Variants in ATP13A5 observed in about 807,000 individuals in gnomAD.
ATP13A5 encodes ATPase 13A5.
A neutral mutation model predicts 150.2 loss-of-function variants in ATP13A5; 149 were observed. That is an observed-to-expected ratio of 0.99 (90% CI 0.87 to 1.14). ATP13A5 has a LOEUF of 1.14. Among genes scored for constraint, ATP13A5 ranks in the 50% most tolerant of loss-of-function variants. ATP13A5 has a pLI of 0.00. For synonymous variants in ATP13A5, 497 were observed against 522.2 expected, an observed-to-expected ratio of 0.95 and a Z score of 0.66; for missense variants, 1,383 against 1,449.3, an observed-to-expected ratio of 0.95 and a Z score of 0.74.
chr3:193,341,164 T>TCCC (rs140581417), intron 9 of ATP13A5, among the ~76,000 whole-genome samples: 2 of 121,452 alleles, frequency 1.6e-5, no homozygotes, highest in Admixed American at 8.3e-5. Context: ...ATTAACATAT[T>TCCC]CCCCCCCCCT....
At chr3:193,312,062 T>C in intron 19 of ATP13A5, 121 bp from the exon 20 acceptor site, 1 of 1,285,800 alleles carries the variant, frequency 7.8e-7, no homozygotes, top group Non-Finnish European at 1.1e-6. Flanking sequence ...AACAAAATAA[T>C]GTGTAATTTG....
chr3:193,348,393 G>C (rs1266481669), intron 7 of ATP13A5, among the ~76,000 whole-genome samples: 3 of 152,134 alleles, frequency 2.0e-5, no homozygotes, highest in African/African-American at 7.2e-5. Flanking sequence ...GCTTGGCTCT[G>C]TCATGACTGA....
At chr3:193,345,829 A>G (rs552779860) in intron 7 of ATP13A5, among the ~76,000 whole-genome samples, 1 of 152,276 alleles carries the variant, frequency 6.6e-6, no homozygotes, top group East Asian at 1.9e-4. Flanking sequence ...CAGAATGAGG[A>G]AGAATGAGAC....
intron 5 of ATP13A5, among the ~76,000 whole-genome samples, chr3:193,354,435 CAAAAA>C: frequency 6.6e-6 from 1 of 150,838 alleles, no homozygotes; most frequent in African/African-American, 2.4e-5. Flanking sequence ...TAGTACAACT[CAAAAA>C]AAAAGTTGGA....
intron 26 of ATP13A5, among the ~76,000 whole-genome samples, chr3:193,287,443 CT>C (rs1717767828): frequency 6.6e-6 from 1 of 152,138 alleles, no homozygotes; most frequent in Non-Finnish European, 1.5e-5. Context: ...CTCATTTGCT[CT>C]TCTGAAAATC....
intron 9 of ATP13A5, among the ~76,000 whole-genome samples, chr3:193,341,923 T>C (rs549258578): frequency 6.6e-6 from 1 of 152,314 alleles, no homozygotes; most frequent in East Asian, 1.9e-4. Flanking sequence ...AAAAAGGTGA[T>C]GAGGCAGGAA....
In ATP13A5 at chr3:193,282,313, C is replaced by T. The variant is rs550749961; in HGVS notation, c.3226+2601G>A. On this transcript the variant is annotated intron_variant, in intron 27 of 29. Transcript: ENST00000342358. ...CATTTCCTGTGTATTAGTAATAATT[C>T]GTTAATAAATATAATGGGAAAGTCA... 3.9e-4 allele frequency among the ~76,000 whole-genome samples: 59 copies of T among 151,854 alleles called. 1 individual carries two copies. Among genetic ancestry groups the T allele is most frequent in the Non-Finnish European group, 5.7e-4 (39 of 67,968 alleles).
Position 193,289,963 on chromosome 3 carries a change from C to T in ATP13A5, c.2945G>A (p.Cys982Tyr). 1 of 1,612,790 alleles carries T rather than the reference C, an allele frequency of 6.2e-7. No individual in the cohort carries two copies. The highest frequency in any genetic ancestry group is 8.5e-7 in the Non-Finnish European group (1 of 1,179,238). Residue 982 changes from cysteine (C) to tyrosine (Y), a missense_variant, in exon 26 of 30, where the codon TGT becomes TAT. By Grantham distance (194) the Cys-to-Tyr change is radical. This residue lies in a region of ATP13A5 where 568 missense variants were observed against 621.5 expected (regional missense o/e 0.91). Coordinates refer to ENST00000342358, the MANE Select transcript of ATP13A5 (RefSeq NM_198505.4). ...PLLLSIFLNS[C>Y]FSCIVQISAF... Reference sequence around the variant, plus strand: ...ACTGATCTGCACAATGCAGGAGAAACAGGAATTCAAAAATATTGAAAGCAG... The same window carrying T: ...ACTGATCTGCACAATGCAGGAGAAATAGGAATTCAAAAATATTGAAAGCAG...
At chr3:193,318,359 T>A (rs986608865) in intron 17 of ATP13A5, among the ~76,000 whole-genome samples, 1 of 152,236 alleles carries the variant, frequency 6.6e-6, no homozygotes, top group African/African-American at 2.4e-5. Context: ...TCCTTTGTCA[T>A]AGATAATTTG....
At chr3:193,367,768 T>C (rs2108582976) in intron 1 of ATP13A5, among the ~76,000 whole-genome samples, 1 of 152,294 alleles carries the variant, frequency 6.6e-6, no homozygotes, top group African/African-American at 2.4e-5. Flanking sequence ...TATACAATTC[T>C]ACACCAATAC....
intron 1 of ATP13A5, among the ~76,000 whole-genome samples, chr3:193,376,070 C>T (rs1226549849): frequency 6.6e-6 from 1 of 152,124 alleles, no homozygotes; most frequent in East Asian, 1.9e-4. Flanking sequence ...AGCGACAGCC[C>T]CCAAGGCTGG....
intron 12 of ATP13A5, among the ~76,000 whole-genome samples, chr3:193,330,877 G>A (rs574136917): frequency 6.6e-6 from 1 of 152,112 alleles, no homozygotes; most frequent in Admixed American, 6.5e-5. Context: ...CCACAAACCA[G>A]GCACACAAAT....
At chr3:193,340,212 T>C (rs768282948) in intron 9 of ATP13A5, among the ~76,000 whole-genome samples, 2 of 152,204 alleles carry the variant, frequency 1.3e-5, no homozygotes, top group African/African-American at 2.4e-5. Flanking sequence ...TGCCTCTTCA[T>C]GGTGACAGTG....
At chr3:193,335,266 A>G (rs1224956616) in intron 9 of ATP13A5, among the ~76,000 whole-genome samples, 167 bp from the exon 10 acceptor site, 2 of 152,196 alleles carry the variant, frequency 1.3e-5, no homozygotes. Context: ...AAGCAATGGT[A>G]GACTTGATTC....
intron 25 of ATP13A5, among the ~76,000 whole-genome samples, chr3:193,290,362 G>T (rs924514715): frequency 6.6e-6 from 1 of 152,080 alleles, no homozygotes; most frequent in African/African-American, 2.4e-5. Flanking sequence ...ACCAGAAATT[G>T]TGTGTAAAAG....
chr3:193,344,097 T>C, intron 8 of ATP13A5, 42 bp from the exon 9 acceptor site: 1 of 1,596,830 alleles, frequency 6.3e-7, no homozygotes, highest in African/African-American at 1.3e-5. Flanking sequence ...GACCTTTTCC[T>C]GTTTTTACTT....
At chr3:193,331,047 A>C (rs1055820889) in intron 12 of ATP13A5, 76 bp downstream of exon 12, 2 of 1,448,268 alleles carry the variant, frequency 1.4e-6, no homozygotes, top group Non-Finnish European at 1.9e-6. Context: ...ACTGGACTAG[A>C]CATTTTCTGA....
intron 27 of ATP13A5, among the ~76,000 whole-genome samples, chr3:193,279,826 A>G (rs1300161915): frequency 3.3e-5 from 5 of 151,958 alleles, no homozygotes; most frequent in Middle Eastern, 3.4e-3. Context: ...GGGATCCTCT[A>G]TTGACATTCA....
chr3:193,299,734 T>G (rs981837467), intron 24 of ATP13A5, among the ~76,000 whole-genome samples: 2 of 152,132 alleles, frequency 1.3e-5, no homozygotes, highest in Admixed American at 6.5e-5. Context: ...AAGGTTTGTG[T>G]AGACAGAACT....
Sources: allele counts gnomAD v4.1 joint callset (sites outside exome capture counted in the v4.1 genomes callset), GRCh38; gene constraint gnomAD v4.1.1; regional missense constraint gnomAD v4.1.1; transcripts MANE v1.5; gene names NCBI Gene and HGNC (gene_info 2026-07-23, HGNC 2026-07-21).